Variants in WDR70 observed in about 807,000 individuals in gnomAD.
The protein encoded by WDR70 is WD repeat domain 70.
WDR70 carries 53 observed loss-of-function variants against 88.6 expected under a neutral mutation model. The observed-to-expected ratio is 0.60, with a 90% CI of 0.48 to 0.75. WDR70 has a LOEUF of 0.75. Ranked by LOEUF, WDR70 falls within the 30% of genes least tolerant of loss-of-function variation. The pLI, the probability that WDR70 is intolerant of heterozygous loss-of-function variation, is 0.00. For missense variants in WDR70, 610 were observed against 823.2 expected, an observed-to-expected ratio of 0.74 and a Z score of 3.17; for synonymous variants, 280 against 270.0, an observed-to-expected ratio of 1.04 and a Z score of -0.36.
At chr5:37,382,992 G>A (rs1339629547) in intron 3 of WDR70, among the ~76,000 whole-genome samples, 9 of 150,544 alleles carry the variant, frequency 6.0e-5, no homozygotes, top group Non-Finnish European at 1.0e-4. Context: ...CAGCCTGGGC[G>A]ACAAAAGCAA....
At chr5:37,568,680 T>C (rs1395469695) in intron 9 of WDR70, among the ~76,000 whole-genome samples, 1 of 152,224 alleles carries the variant, frequency 6.6e-6, no homozygotes, top group Non-Finnish European at 1.5e-5. Context: ...GGAATTGTAC[T>C]GCTCAAGATA....
intron 7 of WDR70, among the ~76,000 whole-genome samples, chr5:37,461,779 G>A (rs370517622): frequency 6.6e-6 from 1 of 152,108 alleles, no homozygotes. Flanking sequence ...CACTGCTCCC[G>A]GCCTGTATGC....
intron 5 of WDR70, among the ~76,000 whole-genome samples, chr5:37,397,395 G>T (rs1749050907): frequency 1.3e-5 from 2 of 151,884 alleles, no homozygotes; most frequent in South Asian, 4.2e-4. Flanking sequence ...CTTGAACCTG[G>T]GAGGCAGAGG....
intron 9 of WDR70, among the ~76,000 whole-genome samples, chr5:37,524,546 A>G (rs1160960291): frequency 2.0e-5 from 3 of 152,236 alleles, no homozygotes; most frequent in Non-Finnish European, 2.9e-5. Flanking sequence ...TGTAAAGACC[A>G]TCGAGGCTAG....
chr5:37,528,398 A>T (rs192083411), intron 9 of WDR70, among the ~76,000 whole-genome samples: 1 of 152,148 alleles, frequency 6.6e-6, no homozygotes, highest in African/African-American at 2.4e-5. Flanking sequence ...TAAACACCCC[A>T]TGTTCTTACT....
In WDR70 at chr5:37,697,717, T is replaced by G. The variant is rs756765116; in HGVS notation, c.1155T>G (p.Thr385=). 6 of 1,613,598 alleles carry G rather than the reference T, an allele frequency of 3.7e-6. No individual in the cohort carries two copies. In the East Asian group the frequency reaches 1.3e-4, roughly 36 times the overall value. The change falls in exon 11 of 18, where the codon ACT becomes ACG. Residue 385 remains threonine, a synonymous_variant. Coordinates refer to ENST00000265107, the MANE Select transcript of WDR70 (RefSeq NM_018034.4). ...CGGGCACAGACACTTCTTGCGTGAC[T>G]TTTTCCTATGATGGTAATGTCCTTG... ...HDSGTDTSCV[T]FSYDGNVLAS...
chr5:37,533,046 G>T (rs900022538), intron 9 of WDR70, among the ~76,000 whole-genome samples: 1 of 152,138 alleles, frequency 6.6e-6, no homozygotes, highest in East Asian at 1.9e-4. Context: ...GAGTCTAGCC[G>T]TCCAGTGGAG....
At chr5:37,732,558 T>A (rs942061950) in intron 17 of WDR70, among the ~76,000 whole-genome samples, 1 of 152,146 alleles carries the variant, frequency 6.6e-6, no homozygotes. Flanking sequence ...TGAAAATGTA[T>A]AATTTGTGGT....
intron 5 of WDR70, among the ~76,000 whole-genome samples, chr5:37,402,137 T>C (rs1274766355): frequency 6.6e-6 from 1 of 152,190 alleles, no homozygotes; most frequent in Non-Finnish European, 1.5e-5. Context: ...CTCTCCACTT[T>C]TATGAGATCA....
intron 7 of WDR70, among the ~76,000 whole-genome samples, chr5:37,467,512 G>C (rs904096125): frequency 6.7e-6 from 1 of 149,156 alleles, no homozygotes; most frequent in Non-Finnish European, 1.5e-5. Context: ...CTCACTTTGG[G>C]GGTTAGGGCT....
intron 5 of WDR70, among the ~76,000 whole-genome samples, chr5:37,410,627 A>G (rs954177650): frequency 6.6e-6 from 1 of 152,130 alleles, no homozygotes; most frequent in African/African-American, 2.4e-5. Context: ...AAGGTATGGT[A>G]GTTTTTTAAA....
intron 9 of WDR70, among the ~76,000 whole-genome samples, chr5:37,575,753 G>C (rs1045867415): frequency 6.6e-6 from 1 of 152,144 alleles, no homozygotes; most frequent in Non-Finnish European, 1.5e-5. Context: ...CCTGAGTTCT[G>C]TGAGCCCTTA....
intron 9 of WDR70, among the ~76,000 whole-genome samples, chr5:37,593,427 G>T (rs1172890041): frequency 6.6e-6 from 1 of 151,926 alleles, no homozygotes; most frequent in Non-Finnish European, 1.5e-5. Flanking sequence ...GTGATAGTTT[G>T]CTCAGAATGA....
In WDR70 at chr5:37,592,030, TG is replaced by T. The variant is rs574843446; in HGVS notation, c.918-13033del. Among the ~76,000 whole-genome samples, 18 of 152,338 alleles carry T rather than the reference TG, an allele frequency of 1.2e-4. No homozygotes were observed. The South Asian group carries it at 3.7e-3, about 32-fold the overall frequency. On this transcript the variant is annotated intron_variant, in intron 9 of 17. Coordinates refer to ENST00000265107, the MANE Select transcript of WDR70 (RefSeq NM_018034.4). ...GGAATAGAATGGAATTTCTTAGTTCTGATAAAGGGCATCTATGAAAAACCTA... is the reference window on the plus strand; with the variant it reads ...GGAATAGAATGGAATTTCTTAGTTCTATAAAGGGCATCTATGAAAAACCTA...
intron 9 of WDR70, among the ~76,000 whole-genome samples, chr5:37,543,993 A>T (rs572561061): frequency 6.6e-6 from 1 of 152,220 alleles, no homozygotes; most frequent in South Asian, 2.1e-4. Context: ...TCTGGTCTCG[A>T]ACTCCTGACG....
intron 5 of WDR70, among the ~76,000 whole-genome samples, chr5:37,419,011 G>A (rs144197117): frequency 0.026 from 3,966 of 151,554 alleles, 64 homozygotes; most frequent in Non-Finnish European, 0.04. Context: ...GGATCTGCCC[G>A]CCTTGGCCTC....
chr5:37,483,997 G>C (rs1448192943), intron 8 of WDR70, among the ~76,000 whole-genome samples: 1 of 151,980 alleles, frequency 6.6e-6, no homozygotes, highest in African/African-American at 2.4e-5. Flanking sequence ...TCAGACGATG[G>C]GCGGCCGGGC....
chr5:37,574,893 T>C, intron 9 of WDR70, among the ~76,000 whole-genome samples: 1 of 152,200 alleles, frequency 6.6e-6, no homozygotes. Context: ...AATATAACAC[T>C]TACTTGTCCA....
intron 10 of WDR70, among the ~76,000 whole-genome samples, chr5:37,655,157 C>G (rs1031996173): frequency 1.3e-5 from 2 of 152,178 alleles, no homozygotes; most frequent in African/African-American, 4.8e-5. Flanking sequence ...CAGAATCTCT[C>G]AGCTTTTGCT....
Sources: gnomAD v4.1 joint callset for allele counts (sites outside exome capture counted in the v4.1 genomes callset) on GRCh38, gnomAD v4.1.1 for gene constraint, MANE v1.5 for transcripts, NCBI Gene and HGNC (gene_info 2026-07-23, HGNC 2026-07-21) for gene names.